SEMA6C: variants seen among roughly 807,000 people sequenced by gnomAD.
The protein encoded by SEMA6C is semaphorin-6C.
A neutral mutation model predicts 72.9 loss-of-function variants in SEMA6C; 37 were observed. The ratio of observed to expected loss-of-function variants is 0.51; its 90% CI spans 0.39 to 0.67. The LOEUF is 0.67. SEMA6C is among the 30% of genes least tolerant of loss of function. SEMA6C has a pLI of 0.00. For synonymous variants in SEMA6C, 578 were observed against 554.1 expected (o/e 1.04, Z -0.61); for missense variants, 1,189 against 1,263.6 (o/e 0.94, Z 0.89).
chr1:151,136,028 T>C lies in SEMA6C; in HGVS notation c.1242A>G (p.Leu414=), dbSNP rs779084842. 6.2e-6 allele frequency: 10 copies of C among 1,613,936 alleles called. No individual in the cohort carries two copies. The highest frequency in any genetic ancestry group is 7.6e-6 in the Non-Finnish European group (9 of 1,179,962). The change falls in exon 13 of 19, where the codon CTA becomes CTG. Residue 414 remains leucine, a synonymous_variant. Coordinates refer to ENST00000368914, the MANE Select transcript of SEMA6C (RefSeq NM_030913.6). ...PAVPPVTHQP[L]LTLTSRALLT... ...CCCCATACCTGCTAGTGAGAGTGAGTAGAGGCTGATGGGTGACAGGTGGTA... is the reference window on the plus strand; with the variant it reads ...CCCCATACCTGCTAGTGAGAGTGAGCAGAGGCTGATGGGTGACAGGTGGTA...
rs369602824 is a variant in SEMA6C, at chr1:151,134,458, G to C, written c.1715-13C>G. On this transcript the variant is annotated splice_polypyrimidine_tract_variant and intron_variant, in intron 17 of 18. Coordinates refer to ENST00000368914, the MANE Select transcript of SEMA6C (RefSeq NM_030913.6). ...CCAGTAGCTCCATCTATGAAGAAGG[G>C]ACAGGGTGAAGATGGGGGGAAAGAG... is the stretch of plus-strand genomic sequence containing the variant. 210 of 1,606,222 alleles carry C rather than the reference G, an allele frequency of 1.3e-4. No homozygotes were observed. Among genetic ancestry groups the C allele is most frequent in the Non-Finnish European group, 1.7e-4 (196 of 1,176,046 alleles).
In SEMA6C at chr1:151,140,026, C is replaced by T; in HGVS notation, c.183G>A (p.Leu61=). The T allele has an allele frequency of 6.2e-7, 1 of 1,614,162 alleles. No homozygotes were observed. Among genetic ancestry groups the T allele is most frequent in the Non-Finnish European group, 8.5e-7 (1 of 1,180,040 alleles). ...TCAAGGTCAGGAATCTCTGAAAGTC[C>T]AGCCCAAGTTCTGCAGCCACAGCAT... ...EDDAVAAELG[L]DFQRFLTLNR... The change falls in exon 4 of 19, where the codon CTG becomes CTA. Residue 61 remains leucine (L), a synonymous_variant. Transcript: ENST00000368914.
intron 8 of SEMA6C, 104 bp from the exon 9 acceptor site, chr1:151,138,209 C>T: frequency 6.3e-7 from 1 of 1,582,080 alleles, no homozygotes; most frequent in Non-Finnish European, 8.6e-7. Context: ...CTGGTCCCTA[C>T]CTCAACCCTC....
chr1:151,132,985 G>T lies in SEMA6C; in HGVS notation c.2292C>A (p.Val764=). The T allele has an allele frequency of 7.1e-7, 1 of 1,412,862 alleles. No individual in the cohort carries two copies. Among genetic ancestry groups the T allele is most frequent in the South Asian group, 1.3e-5 (1 of 78,084 alleles). 87.5% of individuals were successfully genotyped at this position (1,412,862 alleles called of 1,614,324 possible). ...AGCGCAGCAGTTCCTCCAGGGTGGT[G>T]ACTTCCACGGCCTGCCCGGGACAGC... is the stretch of plus-strand genomic sequence containing the variant. ...PPGCPGQAVE[V]TTLEELLRYL... The change falls in exon 19 of 19, where the codon GTC becomes GTA. Residue 764 remains valine, a synonymous_variant. Transcript: ENST00000368914.
intron 9 of SEMA6C, 69 bp from the exon 10 acceptor site, chr1:151,137,868 C>A: frequency 1.3e-6 from 2 of 1,580,342 alleles, no homozygotes; most frequent in East Asian, 4.5e-5. Flanking sequence ...CCTGGCCCCA[C>A]ACCGCTCTCC....
In SEMA6C at chr1:151,133,962, C is replaced by A; in HGVS notation, c.1759+439G>T. The A allele has an allele frequency of 6.5e-7, 1 of 1,547,464 alleles. No homozygotes were observed. Among genetic ancestry groups the A allele is most frequent in the Non-Finnish European group, 8.7e-7 (1 of 1,144,902 alleles). ...TCTCTCCCAAGTAGCCCCCTTACCC[C>A]GAGTGTGAACTCCAAGAGTGGAAGA... On this transcript the variant is annotated intron_variant, in intron 18 of 18. Coordinates refer to ENST00000368914, the MANE Select transcript of SEMA6C (RefSeq NM_030913.6). The surrounding 1 kb of genome is among the most constrained non-coding windows in gnomAD (Gnocchi z 5.9).
intron 2 of SEMA6C, among the ~76,000 whole-genome samples, chr1:151,143,433 G>A (rs947114705): frequency 1.3e-5 from 2 of 152,142 alleles, no homozygotes; most frequent in African/African-American, 4.8e-5. Context: ...CTAGCCCCCT[G>A]CTCCTTCCCT....
chr1:151,140,818 C>T (rs1019431873), intron 3 of SEMA6C, among the ~76,000 whole-genome samples: 5 of 152,166 alleles, frequency 3.3e-5, no homozygotes, highest in Non-Finnish European at 5.9e-5. Context: ...CATGGTGAAA[C>T]CCCATCTCTA....
rs1681760119 is a variant in SEMA6C at position 151,133,549 on chromosome 1, C to T, written c.1760-32G>A. 1.4e-6 allele frequency: 2 copies of T among 1,476,410 alleles called. No homozygotes were observed. Among genetic ancestry groups the T allele is most frequent in the Non-Finnish European group, 1.8e-6 (2 of 1,117,210 alleles). The allele number at this position is 1,476,410 out of a possible 1,614,324, so 91.5% of individuals were successfully genotyped here. A position where few individuals can be genotyped will look rare whatever the true frequency, so the allele number is the denominator to read the frequency against. On this transcript the variant is annotated intron_variant, in intron 18 of 18. Coordinates refer to ENST00000368914, the MANE Select transcript of SEMA6C (RefSeq NM_030913.6). This position sits in a 1 kb window ranked among gnomAD's most constrained non-coding sequence, Gnocchi z 5.9. Reference sequence around the variant, plus strand: ...ACCGAGAGGGAGGAGGGAGGCTCAGCCAAGGGGAGGCGGTGCGGGGTACCT... The same window carrying T: ...ACCGAGAGGGAGGAGGGAGGCTCAGTCAAGGGGAGGCGGTGCGGGGTACCT...
At position 151,132,382 on chromosome 1, in the gene SEMA6C, G is replaced by T; in HGVS notation, c.*102C>A. On this transcript the variant is annotated 3_prime_UTR_variant, in exon 19 of 19. Transcript: ENST00000368914. ...GAGACTCTGCGAGTCGGGAAGGCTG[G>T]AGGTGCGGGGCGAGGGGGCGGTGAA... is the stretch of plus-strand genomic sequence containing the variant. The T allele has an allele frequency of 1.3e-6, 2 of 1,528,614 alleles. No individual in the cohort carries two copies. Among genetic ancestry groups the T allele is most frequent in the Non-Finnish European group, 1.8e-6 (2 of 1,135,818 alleles). The allele number at this position is 1,528,614 out of a possible 1,614,324, so 94.7% of individuals were successfully genotyped here.
At position 151,133,224 on chromosome 1, in the gene SEMA6C, G is replaced by A. The variant is rs1255238519; in HGVS notation, c.2053C>T (p.Pro685Ser). ...QTPQLYTTFLPPPEGVPPPEL... is the reference protein window; with the variant it reads ...QTPQLYTTFLSPPEGVPPPEL... ...GGCGGGGGCACGCCCTCCGGAGGCGGCAGGAAGGTGGTGTAGAGCTGCGGC... is the reference window on the plus strand; with the variant it reads ...GGCGGGGGCACGCCCTCCGGAGGCGACAGGAAGGTGGTGTAGAGCTGCGGC... Residue 685 changes from proline (P) to serine (S), a missense_variant, in exon 19 of 19, where the codon CCG becomes TCG. Pro to Ser is a moderately conservative substitution (Grantham distance 74). Transcript: ENST00000368914. This position sits in a 1 kb window ranked among gnomAD's most constrained non-coding sequence, Gnocchi z 5.9. The A allele has an allele frequency of 6.3e-7, 1 of 1,578,416 alleles. No individual in the cohort carries two copies. The highest frequency in any genetic ancestry group is 1.4e-5 in the African/African-American group (1 of 73,990).
At chr1:151,136,744 T>G in intron 11 of SEMA6C, 113 bp downstream of exon 11, 1 of 1,351,924 alleles carries the variant, frequency 7.4e-7, no homozygotes, top group Middle Eastern at 2.6e-4. Context: ...CACAGCAAAC[T>G]GGCTTTGTTC....
intron 13 of SEMA6C, 98 bp from the exon 14 acceptor site, chr1:151,135,862 C>G: frequency 6.7e-7 from 1 of 1,503,666 alleles, no homozygotes; most frequent in Non-Finnish European, 9.1e-7. Context: ...TGTGCCCTTC[C>G]CCCAGGCCCC....
chr1:151,138,637 C>G lies in SEMA6C; in HGVS notation c.449G>C (p.Ser150Thr), dbSNP rs778882810. Residue 150 changes from serine (S) to threonine (T), a missense_variant, in exon 7 of 19, where the codon AGC becomes ACC. By Grantham distance (58) the Ser-to-Thr change is moderately conservative. Transcript: ENST00000368914. Reference protein sequence around the residue: ...GTNSFSPVCRSYGITSLQQEG... With the variant: ...GTNSFSPVCRTYGITSLQQEG... ...CCACCCTCTCTTTTGTACCCCATAG[C>G]TGCGGCACACAGGGCTGAATGAGTT... 3.7e-6 allele frequency: 6 copies of G among 1,613,692 alleles called. No individual in the cohort carries two copies. The African/African-American group carries it at 4.0e-5, about 11-fold the overall frequency.
rs1263109222 is a variant in SEMA6C, at chr1:151,132,709, G to A, written c.2568C>T (p.Gly856=). 3 of 1,488,826 alleles carry A rather than the reference G, an allele frequency of 2.0e-6. No individual in the cohort carries two copies. Among genetic ancestry groups the A allele is most frequent in the Non-Finnish European group, 1.8e-6 (2 of 1,118,376 alleles). The allele number at this position is 1,488,826 out of a possible 1,614,324, so 92.2% of individuals were successfully genotyped here. The change falls in exon 19 of 19, where the codon GGC becomes GGT. Residue 856 remains glycine (G), a synonymous_variant. Transcript: ENST00000368914. The part of the protein sequence containing the change: ...VGGGRRLPFS[G]HRAPPALLTR... ...TGAGCAGGGCAGGGGGGGCCCGGTG[G>A]CCGGAGAAAGGCAACCTCCGGCCTC...
At position 151,139,410 on chromosome 1, in the gene SEMA6C, C is replaced by G. The variant is rs1031704577; in HGVS notation, c.354+15G>C. 3.7e-6 allele frequency: 6 copies of G among 1,609,992 alleles called. No individual in the cohort carries two copies. The South Asian group carries it at 6.6e-5, about 18-fold the overall frequency. ...AATCCTCTCCTTCCCTCCACATTCT[C>G]GTCTCACTCCTTACCGTCAGCTTTC... On this transcript the variant is annotated intron_variant, in intron 6 of 18. Coordinates refer to ENST00000368914, the MANE Select transcript of SEMA6C (RefSeq NM_030913.6).
Position 151,135,658 on chromosome 1 carries a change from G to C in SEMA6C, c.1366C>G (p.Pro456Ala). Residue 456 changes from proline (P) to alanine (A), a missense_variant, in exon 14 of 19, where the codon CCA (proline) becomes GCA (alanine). Coordinates refer to ENST00000368914, the MANE Select transcript of SEMA6C (RefSeq NM_030913.6). ...NDGTVLKVLTPGGRSGGPEPI... is the reference protein window; with the variant it reads ...NDGTVLKVLTAGGRSGGPEPI... ...TCAGGTCCCCCGGATCGCCCACCTG[G>C]GGTCAGCACCTTCAGCACTGTCCCA... The C allele has an allele frequency of 6.8e-6, 11 of 1,614,202 alleles. No individual in the cohort carries two copies. The highest frequency in any genetic ancestry group is 8.5e-6 in the Non-Finnish European group (10 of 1,180,032).
chr1:151,137,059 C>T lies in SEMA6C; in HGVS notation c.772G>A (p.Val258Ile), dbSNP rs1360730118. ...ATGTCACGTTTACATACTCGGGCTA[C>T]GCGGGAGAACTGCACCTAGGGGAGG... ...ARLGRVQFSRVARVCKRDMGG... is the reference protein window; with the variant it reads ...ARLGRVQFSRIARVCKRDMGG... The change falls in exon 11 of 19, where the codon GTA becomes ATA. Residue 258 changes from valine to isoleucine, a missense_variant. Transcript: ENST00000368914. 8 of 1,613,284 alleles carry T rather than the reference C, an allele frequency of 5.0e-6. No homozygotes were observed. The highest frequency in any genetic ancestry group is 3.3e-5 in the South Asian group (3 of 91,016).
Position 151,139,416 on chromosome 1 carries a change from A to G in SEMA6C, c.354+9T>C. ...CTCCTTCCCTCCACATTCTCGTCTC[A>G]CTCCTTACCGTCAGCTTTCCCCGTA... On this transcript the variant is annotated intron_variant, in intron 6 of 18. Coordinates refer to ENST00000368914, the MANE Select transcript of SEMA6C (RefSeq NM_030913.6). 6.2e-7 allele frequency: 1 copy of G among 1,612,334 alleles called. No homozygotes were observed. The highest frequency in any genetic ancestry group is 8.5e-7 in the Non-Finnish European group (1 of 1,178,490).
Sources: gnomAD v4.1 joint callset for allele counts (sites outside exome capture counted in the v4.1 genomes callset) on GRCh38, gnomAD v4.1.1 for gene constraint, Gnocchi (gnomAD v3.1) non-coding constraint, MANE v1.5 for transcripts, NCBI Gene and HGNC (gene_info 2026-07-23, HGNC 2026-07-21) for gene names.